DIAPH2: variants seen among roughly 807,000 people sequenced by gnomAD.
The protein encoded by DIAPH2 is diaphanous related formin 2, also known as protein diaphanous homolog 2.
In DIAPH2, 35 loss-of-function variants were observed where a neutral mutation model predicts 92.7. The observed-to-expected ratio is 0.38, with a 90% CI of 0.29 to 0.50. The LOEUF is 0.50. Among genes scored for constraint, DIAPH2 ranks in the 20% least tolerant of loss-of-function variants. DIAPH2 has a pLI of 0.94. For missense variants in DIAPH2, 701 were observed against 819.5 expected (o/e 0.86, Z 1.77); for synonymous variants, 301 against 280.4 (o/e 1.07, Z -0.73).
chrX:96,813,424 C>T (rs1277285425), intron 4 of DIAPH2, among the ~76,000 whole-genome samples: 14 of 109,860 alleles, frequency 1.3e-4, no homozygotes, highest in Non-Finnish European at 2.3e-4. Context: ...TGTCTCTGCA[C>T]GTGAGATGGG....
chrX:96,764,829 A>AC (rs2064291871), intron 4 of DIAPH2, among the ~76,000 whole-genome samples: 1 of 111,695 alleles, frequency 9.0e-6, no homozygotes, highest in African/African-American at 3.3e-5. Context: ...GACTTGTATT[A>AC]AAGTCCTCAC....
chrX:97,374,712 C>G (rs1352822094), intron 24 of DIAPH2, among the ~76,000 whole-genome samples: 1 of 112,092 alleles, frequency 8.9e-6, no homozygotes, highest in African/African-American at 3.2e-5. Context: ...CCTTTAAACA[C>G]AGTGAAACTA....
intron 26 of DIAPH2, among the ~76,000 whole-genome samples, chrX:97,471,690 CAAAAAAAAAAA>C (rs34891772): frequency 8.9e-5 from 4 of 44,954 alleles, no homozygotes; most frequent in African/African-American, 2.8e-4. Context: ...AAATCCGTCT[CAAAAAAAAAAA>C]AAAAAAAAAA....
chrX:97,487,350 C>G (rs998259930), intron 26 of DIAPH2, among the ~76,000 whole-genome samples: 1 of 111,394 alleles, frequency 9.0e-6, no homozygotes, highest in Non-Finnish European at 1.9e-5. Flanking sequence ...TCTCGGTTCA[C>G]TGTAACCTCC....
At chrX:97,086,524 G>A (rs1230073162) in intron 19 of DIAPH2, among the ~76,000 whole-genome samples, 2 of 111,522 alleles carry the variant, frequency 1.8e-5, no homozygotes, top group Non-Finnish European at 3.8e-5. Context: ...AATTGCTAAG[G>A]TCTATTTTAA....
rs183300429 is a variant in DIAPH2 at position 96,970,457 on chromosome X, G to A, written c.2050+5250G>A. Among the ~76,000 whole-genome samples, 10 of 110,620 alleles carry A rather than the reference G, an allele frequency of 9.0e-5. No individual in the cohort carries two copies. In the East Asian group the frequency reaches 2.6e-3, roughly 28 times the overall value. ...CTGTTCCGGGTTTCAGCTTCTTCCC[G>A]ATTCAATCTTGGGAGGTTGTGTGTT... On this transcript the variant is annotated intron_variant, in intron 17 of 26. Coordinates refer to ENST00000324765, the MANE Select transcript of DIAPH2 (RefSeq NM_006729.5).
intron 17 of DIAPH2, among the ~76,000 whole-genome samples, chrX:97,024,577 G>T (rs2066319123): frequency 8.9e-6 from 1 of 111,786 alleles, no homozygotes; most frequent in African/African-American, 3.3e-5. Flanking sequence ...AGTGCTTGGG[G>T]GTTTGTGTTC....
chrX:97,093,193 AAAAG>A (rs1240133769), intron 19 of DIAPH2, among the ~76,000 whole-genome samples: 3 of 104,608 alleles, frequency 2.9e-5, no homozygotes, highest in Admixed American at 1.0e-4. Context: ...GAAAAAAAGA[AAAAG>A]AAAGAACGAA....
chrX:97,035,785 G>C, intron 17 of DIAPH2, among the ~76,000 whole-genome samples: 1 of 110,534 alleles, frequency 9.0e-6, no homozygotes, highest in Non-Finnish European at 1.9e-5. Context: ...GAGATGGGCG[G>C]ATTGCTTGAG....
intron 16 of DIAPH2, among the ~76,000 whole-genome samples, chrX:96,959,522 G>C (rs1043354406): frequency 1.8e-5 from 2 of 111,902 alleles, no homozygotes; most frequent in East Asian, 5.6e-4. Context: ...TTGGATATTA[G>C]TCCATTGTTG....
intron 25 of DIAPH2, among the ~76,000 whole-genome samples, chrX:97,415,380 G>C (rs1207891876): frequency 1.8e-5 from 2 of 111,908 alleles, no homozygotes; most frequent in Non-Finnish European, 3.8e-5. Context: ...TATAAATCAT[G>C]CTACTATAAA....
chrX:96,742,776 C>T (rs762018560), intron 3 of DIAPH2, among the ~76,000 whole-genome samples: 2 of 109,770 alleles, frequency 1.8e-5, no homozygotes, highest in South Asian at 7.9e-4. Flanking sequence ...AAACGATTCT[C>T]GTGCCTCAGC....
Position 96,945,611 on chromosome X carries a change from G to T in DIAPH2, c.1509+20G>T. Reference sequence around the variant, plus strand: ...AAGAAGGTAAGCTTATAAAATATTAGCCATAATCGTTAGGTTAATAATTTA... The same window carrying T: ...AAGAAGGTAAGCTTATAAAATATTATCCATAATCGTTAGGTTAATAATTTA... On this transcript the variant is annotated intron_variant, in intron 14 of 26. Transcript: ENST00000324765. 1 of 1,067,559 alleles carries T rather than the reference G, an allele frequency of 9.4e-7. No individual in the cohort carries two copies. Among genetic ancestry groups the T allele is most frequent in the South Asian group, 2.4e-5 (1 of 42,400 alleles). The allele number at this position is 1,067,559 out of a possible 1,213,427, so 88.0% of individuals were successfully genotyped here.
intron 26 of DIAPH2, among the ~76,000 whole-genome samples, chrX:97,561,325 G>A (rs2071292821): frequency 8.9e-6 from 1 of 112,295 alleles, no homozygotes; most frequent in Admixed American, 9.4e-5. Flanking sequence ...TTTAATGTCT[G>A]TGAATTATCA....
At chrX:97,537,016 T>A (rs747254965) in intron 26 of DIAPH2, among the ~76,000 whole-genome samples, 19 of 111,741 alleles carry the variant, frequency 1.7e-4, no homozygotes, top group African/African-American at 6.2e-4. Context: ...ATATTCATAT[T>A]TCACAATAGA....
At chrX:96,862,418 C>G (rs1438098769) in intron 4 of DIAPH2, among the ~76,000 whole-genome samples, 1 of 111,722 alleles carries the variant, frequency 9.0e-6, no homozygotes, top group Non-Finnish European at 1.9e-5. Flanking sequence ...AATGGTGACA[C>G]CTCACTGAGA....
At chrX:96,699,598 A>T (rs1289351964) in intron 1 of DIAPH2, among the ~76,000 whole-genome samples, 1 of 111,862 alleles carries the variant, frequency 8.9e-6, no homozygotes, top group Admixed American at 9.5e-5. Flanking sequence ...TCTGCTTTAG[A>T]CCCTATAACA....
At chrX:97,396,393 C>T (rs989290095) in intron 25 of DIAPH2, among the ~76,000 whole-genome samples, 6 of 111,044 alleles carry the variant, frequency 5.4e-5, no homozygotes, top group African/African-American at 1.6e-4. Flanking sequence ...TACACTTGGC[C>T]GGGCGCAGTG....
chrX:97,084,049 T>G (rs957350246), intron 19 of DIAPH2, among the ~76,000 whole-genome samples: 3 of 111,385 alleles, frequency 2.7e-5, no homozygotes, highest in Non-Finnish European at 5.7e-5. Flanking sequence ...ATTTATAGTT[T>G]AATAGTGCTG....
Sources: gnomAD v4.1 joint callset for allele counts (sites outside exome capture counted in the v4.1 genomes callset) on GRCh38, gnomAD v4.1.1 for gene constraint, MANE v1.5 for transcripts, NCBI Gene and HGNC (gene_info 2026-07-23, HGNC 2026-07-21) for gene names.